Variants in FBXL13 observed in about 807,000 individuals in gnomAD.
FBXL13 encodes F-box and leucine-rich repeat protein 13.
FBXL13 carries 67 observed loss-of-function variants against 83.6 expected under a neutral mutation model. The ratio of observed to expected loss-of-function variants is 0.80; its 90% CI spans 0.66 to 0.98. FBXL13 has a LOEUF of 0.98. Ranked by LOEUF, FBXL13 falls within the 50% of genes least tolerant of loss-of-function variation. The pLI is 0.00. For synonymous variants in FBXL13, 272 were observed against 299.5 expected (o/e 0.91, Z 0.95); for missense variants, 822 against 866.5 (o/e 0.95, Z 0.64).
At chr7:102,988,918 A>G (rs750634774) in intron 6 of FBXL13, 13 of 152,218 alleles carry the variant, frequency 8.5e-5, no homozygotes, top group Non-Finnish European at 1.6e-4. Context: ...ATAATGAGGG[A>G]GCTCAGTATA....
intron 17 of FBXL13, among the ~76,000 whole-genome samples, chr7:102,851,258 T>G (rs1350166968): frequency 6.6e-6 from 1 of 152,150 alleles, no homozygotes; most frequent in Non-Finnish European, 1.5e-5. Flanking sequence ...CAGCCCACAC[T>G]AGTTGGGATG....
At chr7:102,943,663 A>G (rs980405459) in intron 8 of FBXL13, among the ~76,000 whole-genome samples, 3 of 152,188 alleles carry the variant, frequency 2.0e-5, no homozygotes, top group Admixed American at 1.3e-4. Context: ...CATTACAGGA[A>G]TCTCATCCCT....
chr7:103,041,805 T>A (rs1190951692), intron 2 of FBXL13, among the ~76,000 whole-genome samples: 3 of 152,066 alleles, frequency 2.0e-5, no homozygotes, highest in Non-Finnish European at 4.4e-5. Flanking sequence ...ATAAACTAGG[T>A]ATTGATGGAA....
At chr7:102,900,008 C>G (rs567619151) in intron 11 of FBXL13, among the ~76,000 whole-genome samples, 14 of 152,266 alleles carry the variant, frequency 9.2e-5, no homozygotes, top group African/African-American at 3.4e-4. Flanking sequence ...GATCACACCA[C>G]TGTACTCCAG....
intron 10 of FBXL13, among the ~76,000 whole-genome samples, chr7:102,917,238 T>C (rs1447322066): frequency 2.6e-5 from 4 of 152,200 alleles, no homozygotes; most frequent in African/African-American, 9.6e-5. Flanking sequence ...CCCACTTTGA[T>C]AGGCACTGGT....
chr7:102,910,614 T>G (rs1443387434), intron 11 of FBXL13, among the ~76,000 whole-genome samples: 1 of 152,030 alleles, frequency 6.6e-6, no homozygotes, highest in Admixed American at 6.5e-5. Flanking sequence ...TCTTACCCCT[T>G]ACCACCACCA....
chr7:102,932,183 TG>T (rs1448911186), intron 8 of FBXL13, among the ~76,000 whole-genome samples: 1 of 152,198 alleles, frequency 6.6e-6, no homozygotes, highest in Non-Finnish European at 1.5e-5. Flanking sequence ...AATATTACTT[TG>T]GGAAAAACAC....
chr7:102,954,803 A>T (rs1585115027), intron 8 of FBXL13, among the ~76,000 whole-genome samples: 1 of 152,230 alleles, frequency 6.6e-6, no homozygotes, highest in African/African-American at 2.4e-5. Context: ...GAAGGCCATG[A>T]CATAATGGTA....
intron 16 of FBXL13, among the ~76,000 whole-genome samples, chr7:102,875,131 G>C (rs1809046682): frequency 6.6e-6 from 1 of 152,134 alleles, no homozygotes; most frequent in African/African-American, 2.4e-5. Context: ...TGGCGATTCT[G>C]CTCCTATGTG....
intron 16 of FBXL13, among the ~76,000 whole-genome samples, chr7:102,867,693 ATATTTTT>A (rs1202037889): frequency 1.7e-4 from 11 of 66,480 alleles, no homozygotes; most frequent in East Asian, 1.3e-3. Context: ...ATATATATAT[ATATTTTT>A]TTTTTTTTTT....
rs1790748550 is a variant in FBXL13 at position 103,004,349 on chromosome 7, G to C, written c.495+20714C>G. Among the ~76,000 whole-genome samples, 8 of 152,298 alleles carry C rather than the reference G, an allele frequency of 5.3e-5. No homozygotes were observed. In the South Asian group the frequency reaches 1.7e-3, roughly 32 times the overall value. Reference sequence around the variant, plus strand: ...TTGCCCATCATAGGCTGGCGGAGGAGGCCCCAGAGGGAACAGTCCAACTGT... The same window carrying C: ...TTGCCCATCATAGGCTGGCGGAGGACGCCCCAGAGGGAACAGTCCAACTGT... On this transcript the variant is annotated intron_variant, in intron 6 of 19. Coordinates refer to ENST00000313221, the Ensembl canonical transcript of FBXL13.
chr7:103,058,130 T>C (rs1241278508), intron 1 of FBXL13, among the ~76,000 whole-genome samples: 1 of 152,172 alleles, frequency 6.6e-6, no homozygotes, highest in African/African-American at 2.4e-5. Flanking sequence ...GGACCCTGCA[T>C]AATAACAATC....
Position 103,061,452 on chromosome 7 carries a change from G to T in FBXL13, c.-104-5705C>A, listed in dbSNP as rs1797895510. 2.6e-5 allele frequency among the ~76,000 whole-genome samples: 4 copies of T among 152,256 alleles called. No homozygotes were observed. In the Middle Eastern group the frequency reaches 0.014, roughly 518 times the overall value. On this transcript the variant is annotated intron_variant, in intron 1 of 19. Coordinates refer to ENST00000313221, the Ensembl canonical transcript of FBXL13. ...CAGGAACTACACGTGTAAACTGCCT[G>T]GCTGGGCTGAGGGAATTCAGCAAAG...
intron 16 of FBXL13, among the ~76,000 whole-genome samples, chr7:102,858,163 C>A (rs1384283476): frequency 1.3e-5 from 2 of 152,104 alleles, no homozygotes; most frequent in Non-Finnish European, 2.9e-5. Flanking sequence ...CATGGATGAG[C>A]CTGGAGGACA....
chr7:103,018,654 A>C (rs1792699133), intron 6 of FBXL13, among the ~76,000 whole-genome samples: 1 of 152,226 alleles, frequency 6.6e-6, no homozygotes, highest in Non-Finnish European at 1.5e-5. Flanking sequence ...GGAAAACAAA[A>C]AAACAAGCAA....
intron 1 of FBXL13, among the ~76,000 whole-genome samples, chr7:103,057,902 TG>T (rs1205071113): frequency 4.6e-5 from 7 of 152,236 alleles, no homozygotes. Flanking sequence ...GTGTGCATGT[TG>T]GGGGTGGTCG....
intron 6 of FBXL13, among the ~76,000 whole-genome samples, chr7:102,996,525 A>G (rs2129485135): frequency 6.6e-6 from 1 of 152,350 alleles, no homozygotes; most frequent in East Asian, 1.9e-4. Context: ...CTGGTAGTTC[A>G]AATCCACATT....
In FBXL13 at chr7:102,813,494, G is replaced by A. The variant is rs749127586; in HGVS notation, c.2056C>T (p.Gln686Ter). Residue 686 changes from glutamine (Q) to a stop codon, truncating the protein, a stop_gained, in exon 20 of 20, where the codon CAG (glutamine) becomes TAG (stop). Transcript: ENST00000313221. LOFTEE classifies it low-confidence loss of function (END_TRUNC). Reference sequence around the variant, plus strand: ...GGAGGGTCATTAGTGTTGTATTCCTGCTGCTGAACTTTAGATGACATTCTT... The same window carrying A: ...GGAGGGTCATTAGTGTTGTATTCCTACTGCTGAACTTTAGATGACATTCTT... 2 of 1,614,006 alleles carry A rather than the reference G, an allele frequency of 1.2e-6. No individual in the cohort carries two copies. The highest frequency in any genetic ancestry group is 1.3e-5 in the African/African-American group (1 of 75,000).
Position 102,895,986 on chromosome 7 carries a change from C to T in FBXL13, c.1009-11674G>A, listed in dbSNP as rs76098195. On this transcript the variant is annotated intron_variant, in intron 11 of 19. Coordinates refer to ENST00000313221, the Ensembl canonical transcript of FBXL13. ...GGAAAGACTTAGAGGAAGTTAACCA[C>T]GAAGATATCTGTAGAAAGATTCCAG... is the stretch of plus-strand genomic sequence containing the variant. Among the ~76,000 whole-genome samples, 567 of 152,284 alleles carry T rather than the reference C, an allele frequency of 3.7e-3. 5 individuals are homozygous for T. The highest frequency in any genetic ancestry group is 0.013 in the African/African-American group (560 of 41,550).
Sources: allele counts gnomAD v4.1 joint callset (sites outside exome capture counted in the v4.1 genomes callset), GRCh38; gene constraint gnomAD v4.1.1; transcripts MANE v1.5; gene names NCBI Gene and HGNC (gene_info 2026-07-23, HGNC 2026-07-21).